LHFPL3: variants seen among roughly 807,000 people sequenced by gnomAD.
LHFPL3 encodes the protein LHFPL tetraspan subfamily member 3.
In LHFPL3, 5 loss-of-function variants were observed where a neutral mutation model predicts 19.3. The ratio of observed to expected loss-of-function variants is 0.26; its 90% CI spans 0.14 to 0.54. LHFPL3 has a LOEUF of 0.54. Ranked by LOEUF, LHFPL3 falls within the 20% of genes least tolerant of loss-of-function variation. LHFPL3 has a pLI of 0.94. For missense variants in LHFPL3, 249 were observed against 307.4 expected (o/e 0.81, Z 1.42); for synonymous variants, 133 against 126.2 (o/e 1.05, Z -0.36).
chr7:104,394,186 GACTTT>G (rs1414868997), intron 1 of LHFPL3, among the ~76,000 whole-genome samples: 1 of 152,158 alleles, frequency 6.6e-6, no homozygotes, highest in Non-Finnish European at 1.5e-5. Flanking sequence ...AGTGGTTCTT[GACTTT>G]ACTGTACATC....
chr7:104,367,563 T>C (rs531292317), intron 1 of LHFPL3, among the ~76,000 whole-genome samples: 1 of 152,282 alleles, frequency 6.6e-6, no homozygotes, highest in Non-Finnish European at 1.5e-5. Flanking sequence ...GTTAAGCAGA[T>C]GGAACAGGGA....
intron 2 of LHFPL3, among the ~76,000 whole-genome samples, chr7:104,800,247 C>T (rs1405323689): frequency 6.6e-6 from 1 of 152,180 alleles, no homozygotes; most frequent in Non-Finnish European, 1.5e-5. Flanking sequence ...GCAAGATGAA[C>T]TTCAGAGAAT....
At chr7:104,617,066 G>T (rs931511568) in intron 1 of LHFPL3, among the ~76,000 whole-genome samples, 1 of 152,140 alleles carries the variant, frequency 6.6e-6, no homozygotes, top group African/African-American at 2.4e-5. Context: ...GTGTAAATTA[G>T]TTCAACTATT....
Position 104,830,764 on chromosome 7 carries a change from C to T in LHFPL3, c.683-75423C>T, listed in dbSNP as rs1046843175. ...TGTAGTATAGTTTGAAGTCAGGCAG[C>T]GTGATGCCTCCAGCTTTGTTCTTTT... On this transcript the variant is annotated intron_variant, in intron 2 of 2. Transcript: ENST00000424859. 7.9e-5 allele frequency among the ~76,000 whole-genome samples: 12 copies of T among 151,758 alleles called. 1 individual carries two copies. The highest frequency in any genetic ancestry group is 2.7e-4 in the African/African-American group (11 of 41,130).
intron 1 of LHFPL3, among the ~76,000 whole-genome samples, chr7:104,531,146 T>A (rs1048055157): frequency 2.3e-4 from 35 of 152,240 alleles, no homozygotes; most frequent in African/African-American, 6.3e-4. Context: ...GGACATTTTT[T>A]AATGACAATT....
chr7:104,880,972 C>T (rs1792041028), intron 2 of LHFPL3, among the ~76,000 whole-genome samples: 1 of 152,070 alleles, frequency 6.6e-6, no homozygotes, highest in Admixed American at 6.6e-5. Flanking sequence ...AGATCAAGAC[C>T]TTCCTGGCTA....
chr7:104,642,547 T>C (rs1216075605), intron 1 of LHFPL3, among the ~76,000 whole-genome samples: 1 of 152,204 alleles, frequency 6.6e-6, no homozygotes, highest in Non-Finnish European at 1.5e-5. Flanking sequence ...CTTCAATTTC[T>C]AGAGCTCAGT....
At chr7:104,823,707 G>T (rs1790722147) in intron 2 of LHFPL3, among the ~76,000 whole-genome samples, 1 of 152,146 alleles carries the variant, frequency 6.6e-6, no homozygotes, top group Non-Finnish European at 1.5e-5. Context: ...GAATGAATGA[G>T]CTTGACGGAG....
intron 1 of LHFPL3, among the ~76,000 whole-genome samples, chr7:104,566,009 G>A (rs1790117174): frequency 1.3e-5 from 2 of 152,118 alleles, no homozygotes; most frequent in African/African-American, 4.8e-5. Flanking sequence ...CCAAATAGAG[G>A]TAGGAACTGG....
intron 1 of LHFPL3, among the ~76,000 whole-genome samples, chr7:104,427,208 A>T (rs1053306643): frequency 6.6e-6 from 1 of 152,204 alleles, no homozygotes; most frequent in South Asian, 2.1e-4. Flanking sequence ...AACACATGTG[A>T]TGTCCTTGAA....
chr7:104,873,584 C>T lies in LHFPL3; in HGVS notation c.683-32603C>T, dbSNP rs191311584. Among the ~76,000 whole-genome samples, 655 of 152,236 alleles carry T rather than the reference C, an allele frequency of 4.3e-3. 19 individuals carry two copies. The highest frequency in any genetic ancestry group is 1.3e-3 in the East Asian group (7 of 5,186). On this transcript the variant is annotated intron_variant, in intron 2 of 2. Transcript: ENST00000424859. ...TTGAGGTTACAGCGAGCTACGATCA[C>T]GTCGCTGCACTCCAGCCTGGGTAAC... is the stretch of plus-strand genomic sequence containing the variant.
intron 2 of LHFPL3, among the ~76,000 whole-genome samples, chr7:104,744,866 T>C (rs1367981561): frequency 5.9e-5 from 9 of 152,196 alleles, no homozygotes; most frequent in Admixed American, 5.9e-4. Flanking sequence ...CTCACATGGC[T>C]CCACTCTTTA....
intron 1 of LHFPL3, among the ~76,000 whole-genome samples, chr7:104,614,643 CT>C (rs1339799684): frequency 1.0e-4 from 14 of 135,408 alleles, no homozygotes; most frequent in African/African-American, 3.7e-4. Flanking sequence ...CTTCTCTTCT[CT>C]TCTCTTCTCT....
At chr7:104,776,733 C>T (rs1480195881) in intron 2 of LHFPL3, among the ~76,000 whole-genome samples, 5 of 152,220 alleles carry the variant, frequency 3.3e-5, no homozygotes, top group African/African-American at 1.2e-4. Context: ...TTCACTGCAA[C>T]AGTTCCCCTG....
At chr7:104,448,414 TGG>T in intron 1 of LHFPL3, among the ~76,000 whole-genome samples, 1 of 152,190 alleles carries the variant, frequency 6.6e-6, no homozygotes, top group South Asian at 2.1e-4. Flanking sequence ...TACCCAGTTT[TGG>T]TAAACACGCA....
intron 1 of LHFPL3, among the ~76,000 whole-genome samples, chr7:104,334,663 A>G (rs375651394): frequency 6.6e-6 from 1 of 152,292 alleles, no homozygotes; most frequent in African/African-American, 2.4e-5. Flanking sequence ...CACTGAAAGA[A>G]CTAGTCCTTG....
intron 1 of LHFPL3, among the ~76,000 whole-genome samples, chr7:104,398,129 C>T (rs918436332): frequency 4.0e-5 from 6 of 151,442 alleles, no homozygotes; most frequent in Non-Finnish European, 5.9e-5. Context: ...ATCACACCTA[C>T]GTAAAATCTT....
intron 1 of LHFPL3, among the ~76,000 whole-genome samples, chr7:104,471,678 C>T (rs1001757242): frequency 1.3e-5 from 2 of 152,140 alleles, no homozygotes; most frequent in African/African-American, 4.8e-5. Context: ...GTTACATAAC[C>T]ATTCCATGTC....
At chr7:104,887,385 G>T (rs555095865) in intron 2 of LHFPL3, among the ~76,000 whole-genome samples, 1 of 152,310 alleles carries the variant, frequency 6.6e-6, no homozygotes, top group Non-Finnish European at 1.5e-5. Flanking sequence ...GGGAGAGGAA[G>T]GTGGTCAATA....
Sources: gnomAD v4.1 joint callset for allele counts (sites outside exome capture counted in the v4.1 genomes callset) on GRCh38, gnomAD v4.1.1 for gene constraint, MANE v1.5 for transcripts, NCBI Gene and HGNC (gene_info 2026-07-23, HGNC 2026-07-21) for gene names.